AGAP6: variants seen among roughly 807,000 people sequenced by gnomAD.
AGAP6 encodes ArfGAP with GTPase domain, ankyrin repeat and PH domain 6.
In AGAP6, 29 loss-of-function variants were observed where a neutral mutation model predicts 63.9. That is an observed-to-expected ratio of 0.45 (90% CI 0.34 to 0.62). The LOEUF (loss-of-function observed/expected upper bound fraction) is 0.62, where lower values mean the gene tolerates loss of function less well. Among genes scored for constraint, AGAP6 ranks in the 20% least tolerant of loss-of-function variants. The pLI, the probability that AGAP6 is intolerant of heterozygous loss-of-function variation, is 0.01. For missense variants in AGAP6, 493 were observed against 884.9 expected (o/e 0.56, Z 5.62); for synonymous variants, 199 against 332.9 (o/e 0.60, Z 4.38).
At chr10:49,990,253 A>T (rs1340810925) in intron 2 of AGAP6, among the ~76,000 whole-genome samples, 1 of 152,208 alleles carries the variant, frequency 6.6e-6, no homozygotes, top group Non-Finnish European at 1.5e-5. Flanking sequence ...AGCCTGGCCA[A>T]CATGGTGAAA....
At chr10:49,993,759 G>A (rs183496809) in intron 3 of AGAP6, among the ~76,000 whole-genome samples, 2 of 149,328 alleles carry the variant, frequency 1.3e-5, no homozygotes, top group Admixed American at 6.8e-5. Context: ...GGCAGAGGTT[G>A]CAGTGAGCTG....
chr10:50,007,891 A>G (rs1456226642), intron 6 of AGAP6, 134 bp from the exon 7 acceptor site: 1 of 1,534,234 alleles, frequency 6.5e-7, no homozygotes, highest in African/African-American at 1.4e-5. Context: ...GCAAGTCAGG[A>G]TCCAATAGAA....
At chr10:50,003,789 T>G (rs1477292866) in intron 5 of AGAP6, among the ~76,000 whole-genome samples, 2 of 152,220 alleles carry the variant, frequency 1.3e-5, no homozygotes, top group African/African-American at 2.4e-5. Context: ...TAAGGTCTGT[T>G]TCCCTGATCT....
At chr10:50,005,582 GC>G (rs1841886034) in intron 6 of AGAP6, among the ~76,000 whole-genome samples, 1 of 152,168 alleles carries the variant, frequency 6.6e-6, no homozygotes. Context: ...TTGCACTGCA[GC>G]CTGGGTGACA....
intron 2 of AGAP6, among the ~76,000 whole-genome samples, chr10:49,991,394 T>TTG (rs1554860866): frequency 6.7e-6 from 1 of 149,868 alleles, no homozygotes; most frequent in Non-Finnish European, 1.5e-5. Context: ...GTTTTTTTTT[T>TTG]TTTTTTTTTT....
chr10:50,007,954 G>C lies in AGAP6; in HGVS notation c.534-71G>C. On this transcript the variant is annotated intron_variant, in intron 6 of 7. Transcript: ENST00000412531. Reference sequence around the variant, plus strand: ...TAAACACCAAAGCACACAGGAGGCAGTATTTTACTAAACAAATATTATACT... The same window carrying C: ...TAAACACCAAAGCACACAGGAGGCACTATTTTACTAAACAAATATTATACT... 1.9e-6 allele frequency: 3 copies of C among 1,609,916 alleles called. No individual in the cohort carries two copies. In the South Asian group the frequency reaches 3.3e-5, roughly 18 times the overall value.
At chr10:49,989,075 A>C in intron 1 of AGAP6, 137 bp downstream of exon 1, 1 of 1,543,494 alleles carries the variant, frequency 6.5e-7, no homozygotes, top group Non-Finnish European at 8.7e-7. Context: ...CCAGGAACAA[A>C]AGCTGGCTCT....
At chr10:49,994,195 A>G (rs1841392822) in intron 3 of AGAP6, among the ~76,000 whole-genome samples, 200 bp from the exon 4 acceptor site, 1 of 152,178 alleles carries the variant, frequency 6.6e-6, no homozygotes, top group Non-Finnish European at 1.5e-5. Context: ...CAAAAAGTAA[A>G]CTAAATGAAA....
chr10:50,007,995 T>C, intron 6 of AGAP6, 30 bp from the exon 7 acceptor site: 1 of 1,611,862 alleles, frequency 6.2e-7, no homozygotes, highest in African/African-American at 1.3e-5. Flanking sequence ...ATTAACAGTT[T>C]TTGAAGTAAT....
At chr10:49,998,012 A>ATATG (rs1554862334) in intron 4 of AGAP6, among the ~76,000 whole-genome samples, 1,831 of 136,382 alleles carry the variant, frequency 0.013, 272 homozygotes, top group African/African-American at 0.045. Flanking sequence ...ATATATATAT[A>ATATG]TATGTATGTA....
chr10:49,996,387 T>TA (rs1394986903), intron 4 of AGAP6, among the ~76,000 whole-genome samples: 1 of 152,184 alleles, frequency 6.6e-6, no homozygotes, highest in African/African-American at 2.4e-5. Context: ...TGTTAACTGA[T>TA]AGCATCAGTG....
chr10:49,990,046 G>A (rs1168360794), intron 2 of AGAP6, among the ~76,000 whole-genome samples: 2 of 152,226 alleles, frequency 1.3e-5, no homozygotes, highest in Admixed American at 6.5e-5. Context: ...AAAGATTGCA[G>A]GTTAAAATGT....
chr10:50,005,484 A>G (rs1841882480), intron 6 of AGAP6, among the ~76,000 whole-genome samples: 1 of 151,842 alleles, frequency 6.6e-6, no homozygotes, highest in African/African-American at 2.4e-5. Flanking sequence ...GGTGGCACGC[A>G]CCTGTAGTCC....
At position 50,009,180 on chromosome 10, in the gene AGAP6, G is replaced by C; in HGVS notation, c.1055G>C (p.Cys352Ser). The C allele has an allele frequency of 6.2e-7, 1 of 1,614,220 alleles. No homozygotes were observed. Residue 352 changes from cysteine (C) to serine (S), a missense_variant, in exon 8 of 8, where the codon TGC (cysteine) becomes TCC (serine). By Grantham distance (112) the Cys-to-Ser change is moderately radical. Transcript: ENST00000412531. Reference protein sequence around the residue: ...GKWPSLATSACTPISSSKSNG... With the variant: ...GKWPSLATSASTPISSSKSNG... ...TGGCCATCCCTAGCCACATCGGCCTGCACACCCATCTCCAGCTCTAAAAGC... is the reference window on the plus strand; with the variant it reads ...TGGCCATCCCTAGCCACATCGGCCTCCACACCCATCTCCAGCTCTAAAAGC...
rs189959354 is a variant in AGAP6, at chr10:49,989,454, T to C, written c.292+78T>C. 848 of 1,587,254 alleles carry C rather than the reference T, an allele frequency of 5.3e-4. 10 individuals carry two copies. The African/African-American group carries it at 0.011, about 20-fold the overall frequency. ...GGCTTCTTTGAGCTATTCTCTTCCT[T>C]TTCTCAGTAAAAACTCAAATATCCC... On this transcript the variant is annotated intron_variant, in intron 2 of 7. Transcript: ENST00000412531.
chr10:50,006,531 T>C (rs374263133), intron 6 of AGAP6, among the ~76,000 whole-genome samples: 4 of 151,316 alleles, frequency 2.6e-5, no homozygotes, highest in Admixed American at 1.3e-4. Context: ...TGTGGCACCA[T>C]GCCAGGCTAA....
At chr10:49,991,094 A>T (rs1841254680) in intron 2 of AGAP6, among the ~76,000 whole-genome samples, 1 of 152,190 alleles carries the variant, frequency 6.6e-6, no homozygotes, top group Non-Finnish European at 1.5e-5. Flanking sequence ...TTCCAATAGA[A>T]ATAAGGCCTG....
chr10:49,992,094 T>C (rs1252209150), intron 3 of AGAP6, among the ~76,000 whole-genome samples: 1 of 151,294 alleles, frequency 6.6e-6, no homozygotes, highest in Non-Finnish European at 1.5e-5. Flanking sequence ...AAAGTACACT[T>C]TAAAGATGAA....
chr10:50,004,752 T>C (rs1554863591), intron 6 of AGAP6, 32 bp downstream of exon 6: 1 of 771,312 alleles, frequency 1.3e-6, no homozygotes, highest in South Asian at 1.7e-5. Flanking sequence ...CTTGTTATTC[T>C]AGCTAATTAC....
Sources: allele counts gnomAD v4.1 joint callset (sites outside exome capture counted in the v4.1 genomes callset), GRCh38; gene constraint gnomAD v4.1.1; transcripts MANE v1.5; gene names NCBI Gene and HGNC (gene_info 2026-07-23, HGNC 2026-07-21).